The following NCOA6 variants were observed in gnomAD, a reference collection of about 807,000 sequenced individuals.
NCOA6 encodes NRC RAP250.
Under a neutral mutation model 171.4 loss-of-function variants are expected in NCOA6, and 49 were observed. That is an observed-to-expected ratio of 0.29 (90% CI 0.23 to 0.36). NCOA6 has a LOEUF of 0.36. Among genes scored for constraint, NCOA6 ranks in the 10% least tolerant of loss-of-function variants. The pLI is 1.00. For synonymous variants in NCOA6, 910 were observed against 927.5 expected (o/e 0.98, Z 0.34); for missense variants, 2,248 against 2,554.5 (o/e 0.88, Z 2.59).
chr20:34,800,937 T>C (rs926954137), intron 1 of NCOA6, among the ~76,000 whole-genome samples: 4 of 152,218 alleles, frequency 2.6e-5, no homozygotes, highest in African/African-American at 9.6e-5. Context: ...ACATGGATCA[T>C]TCTCAAGGAC....
chr20:34,791,935 C>T (rs1382692406), intron 2 of NCOA6, among the ~76,000 whole-genome samples: 1 of 152,122 alleles, frequency 6.6e-6, no homozygotes, highest in South Asian at 2.1e-4. Context: ...TTATGACATA[C>T]CTCCCAGTGG....
At chr20:34,804,342 A>G (rs2078370251) in intron 1 of NCOA6, among the ~76,000 whole-genome samples, 1 of 151,728 alleles carries the variant, frequency 6.6e-6, no homozygotes, top group Admixed American at 6.6e-5. Flanking sequence ...GTCATAAATA[A>G]ATAAATAAAT....
At chr20:34,796,343 G>A (rs1194387652) in intron 1 of NCOA6, among the ~76,000 whole-genome samples, 1 of 151,978 alleles carries the variant, frequency 6.6e-6, no homozygotes, top group African/African-American at 2.4e-5. Flanking sequence ...TTAGAACCAG[G>A]TATAGCGGCT....
Position 34,714,895 on chromosome 20 carries a change from C to T in NCOA6, c.*427G>A, listed in dbSNP as rs1396100105. 6.2e-6 allele frequency: 1 copy of T among 160,754 alleles called. No individual in the cohort carries two copies. Among genetic ancestry groups the T allele is most frequent in the Non-Finnish European group, 1.4e-5 (1 of 72,886 alleles). The allele number at this position is 160,754 out of a possible 1,614,324, so 10.0% of individuals were successfully genotyped here. A position where few individuals can be genotyped will look rare whatever the true frequency, so the allele number is the denominator to read the frequency against. ...TGGTCCATTTCTACAACAAATACAT[C>T]CAAAACACTATATAATAAAATTATT... On this transcript the variant is annotated 3_prime_UTR_variant, in exon 15 of 15. Coordinates refer to ENST00000359003, the MANE Select transcript of NCOA6 (RefSeq NM_014071.5).
intron 13 of NCOA6, among the ~76,000 whole-genome samples, chr20:34,730,010 C>T (rs1213046747): frequency 1.3e-5 from 2 of 151,950 alleles, no homozygotes; most frequent in South Asian, 2.1e-4. Flanking sequence ...GGCTTTCTGG[C>T]TAGGAGCTCA....
intron 1 of NCOA6, among the ~76,000 whole-genome samples, chr20:34,797,782 G>T (rs2078126284): frequency 6.6e-6 from 1 of 151,978 alleles, no homozygotes; most frequent in African/African-American, 2.4e-5. Context: ...CAGCCACTCG[G>T]GAGGCTGAGA....
chr20:34,765,134 A>G (rs762733635), intron 5 of NCOA6, among the ~76,000 whole-genome samples: 1 of 151,208 alleles, frequency 6.6e-6, no homozygotes, highest in Non-Finnish European at 1.5e-5. Flanking sequence ...AAAAAAAAAA[A>G]AAGAGAAAGC....
At chr20:34,799,905 A>G (rs1176943910) in intron 1 of NCOA6, among the ~76,000 whole-genome samples, 2 of 152,200 alleles carry the variant, frequency 1.3e-5, no homozygotes, top group African/African-American at 4.8e-5. Flanking sequence ...ATCTGAAGAT[A>G]CAAAACTCAC....
chr20:34,715,168 T>G lies in NCOA6; in HGVS notation c.*154A>C, dbSNP rs1482292308. 1.5e-5 allele frequency: 14 copies of G among 916,920 alleles called. No homozygotes were observed. The highest frequency in any genetic ancestry group is 4.7e-5 in the South Asian group (3 of 64,140). 56.8% of individuals were successfully genotyped at this position (916,920 alleles called of 1,614,324 possible). A position where few individuals can be genotyped will look rare whatever the true frequency, so the allele number is the denominator to read the frequency against. On this transcript the variant is annotated 3_prime_UTR_variant, in exon 15 of 15. Transcript: ENST00000359003. ...GGCTCAACAGTCCTGCTTTCCCCAT[T>G]GCACTTTATGAAACAGGTTGCAGGG...
In NCOA6 at chr20:34,742,547, T is replaced by C. The variant is rs965208845; in HGVS notation, c.3709A>G (p.Ile1237Val). The C allele has an allele frequency of 6.2e-6, 10 of 1,614,158 alleles. No individual in the cohort carries two copies. Among genetic ancestry groups the C allele is most frequent in the Non-Finnish European group, 6.8e-6 (8 of 1,180,016 alleles). Residue 1237 changes from isoleucine (I) to valine (V), a missense_variant, in exon 11 of 15, where the codon ATC becomes GTC. This residue lies in a region of NCOA6 where 4 missense variants were observed against 28.6 expected (regional missense o/e 0.14). Coordinates refer to ENST00000359003, the MANE Select transcript of NCOA6 (RefSeq NM_014071.5). ...TTGAGTCTTTCTGGTGACAGACTGA[T>C]TTCTGAAGGTTCTGTGCTGGGAGGG... The part of the protein sequence containing the change: ...NRPPSTEPSE[I>V]SLSPERLNAS...
At chr20:34,788,720 C>T (rs1343882377) in intron 2 of NCOA6, among the ~76,000 whole-genome samples, 3 of 152,074 alleles carry the variant, frequency 2.0e-5, no homozygotes, top group Non-Finnish European at 2.9e-5. Flanking sequence ...CCGAAGCAGG[C>T]GGATCACCTG....
chr20:34,769,367 A>ATTT (rs764208500), intron 4 of NCOA6, among the ~76,000 whole-genome samples: 27 of 143,134 alleles, frequency 1.9e-4, no homozygotes, highest in African/African-American at 6.4e-4. Context: ...TACGTATAGG[A>ATTT]TTTTTTTTTT....
chr20:34,747,484 GC>G (rs1301458895), intron 9 of NCOA6, among the ~76,000 whole-genome samples: 26 of 152,284 alleles, frequency 1.7e-4, no homozygotes, highest in Non-Finnish European at 2.4e-4. Flanking sequence ...GCTTTGAGAT[GC>G]CTTTGCTTTT....
intron 2 of NCOA6, among the ~76,000 whole-genome samples, chr20:34,789,428 G>A (rs1159780750): frequency 6.6e-6 from 1 of 152,146 alleles, no homozygotes; most frequent in Admixed American, 6.5e-5. Flanking sequence ...TCTTGATATT[G>A]TGTCACAGGT....
chr20:34,762,282 AATCTTTCT>A (rs1264608255), intron 5 of NCOA6, among the ~76,000 whole-genome samples: 4 of 152,094 alleles, frequency 2.6e-5, no homozygotes, highest in Non-Finnish European at 4.4e-5. Flanking sequence ...TCACCTTGTT[AATCTTTCT>A]ATCTTTCTAA....
rs1286841075 is a variant in NCOA6, at chr20:34,715,182, C to A, written c.*140G>T. On this transcript the variant is annotated 3_prime_UTR_variant, in exon 15 of 15. Coordinates refer to ENST00000359003, the MANE Select transcript of NCOA6 (RefSeq NM_014071.5). The stretch of plus-strand genomic sequence containing the variant: ...GCTTTCCCCATTGCACTTTATGAAA[C>A]AGGTTGCAGGGACTAGGAAAAGGGC... The A allele has an allele frequency of 9.3e-7, 1 of 1,077,212 alleles. No individual in the cohort carries two copies. The highest frequency in any genetic ancestry group is 1.4e-6 in the Non-Finnish European group (1 of 729,442). 66.7% of individuals were successfully genotyped at this position (1,077,212 alleles called of 1,614,324 possible).
intron 14 of NCOA6, among the ~76,000 whole-genome samples, chr20:34,725,503 C>T (rs557281354): frequency 2.0e-5 from 3 of 152,134 alleles, no homozygotes; most frequent in Non-Finnish European, 4.4e-5. Context: ...GTCCGACTTG[C>T]TAAGGGAAGT....
At position 34,721,251 on chromosome 20, in the gene NCOA6, AAAAAAAAAAAAAAAAAC is replaced by A. The variant is rs1349476909; in HGVS notation, c.6149-5903_6149-5887del. On this transcript the variant is annotated intron_variant, in intron 14 of 14. Coordinates refer to ENST00000359003, the MANE Select transcript of NCOA6 (RefSeq NM_014071.5). ...TCTTCCTCTATACAAAAAAAAAAAAAAAAAAAAAAAAAAAAACAACCCGCAAAACCCACAAAAGGACT... is the reference window on the plus strand; with the variant it reads ...TCTTCCTCTATACAAAAAAAAAAAAAAACCCGCAAAACCCACAAAAGGACT... Among the ~76,000 whole-genome samples the A allele has an allele frequency of 5.1e-4, 74 of 146,492 alleles. 1 individual carries two copies. The highest frequency in any genetic ancestry group is 1.9e-3 in the African/African-American group (70 of 37,624).
At chr20:34,731,299 C>G (rs527238125) in intron 13 of NCOA6, among the ~76,000 whole-genome samples, 2 of 152,066 alleles carry the variant, frequency 1.3e-5, no homozygotes, top group African/African-American at 4.8e-5. Flanking sequence ...GGATTACAGG[C>G]GTGAGCCACT....
Sources: allele counts gnomAD v4.1 joint callset (sites outside exome capture counted in the v4.1 genomes callset), GRCh38; gene constraint gnomAD v4.1.1; regional missense constraint gnomAD v4.1.1; transcripts MANE v1.5; gene names NCBI Gene and HGNC (gene_info 2026-07-23, HGNC 2026-07-21).